Variants in JAK1 observed in about 807,000 individuals in gnomAD.
The protein encoded by JAK1 is tyrosine-protein kinase JAK1.
A neutral mutation model predicts 136.6 loss-of-function variants in JAK1; 16 were observed. That is an observed-to-expected ratio of 0.12 (90% CI 0.08 to 0.18). The LOEUF (loss-of-function observed/expected upper bound fraction) is 0.18, where lower values mean the gene tolerates loss of function less well. Ranked by LOEUF, JAK1 falls within the 10% of genes least tolerant of loss-of-function variation. JAK1 has a pLI of 1.00. For missense variants in JAK1, 859 were observed against 1,450.1 expected (o/e 0.59, Z 6.62); for synonymous variants, 492 against 519.5 (o/e 0.95, Z 0.72).
intron 1 of JAK1, among the ~76,000 whole-genome samples, chr1:64,959,666 A>T (rs1391614782): frequency 6.6e-6 from 1 of 152,236 alleles, no homozygotes; most frequent in African/African-American, 2.4e-5. Flanking sequence ...AAATTAAATA[A>T]AAGCACCTTT....
intron 1 of JAK1, among the ~76,000 whole-genome samples, chr1:65,062,916 C>CT (rs1647854169): frequency 6.6e-6 from 1 of 152,228 alleles, no homozygotes; most frequent in Non-Finnish European, 1.5e-5. Flanking sequence ...ATTCCAGTCT[C>CT]TGTCTATATG....
At chr1:64,884,562 T>C (rs1644824580) in intron 2 of JAK1, among the ~76,000 whole-genome samples, 1 of 152,214 alleles carries the variant, frequency 6.6e-6, no homozygotes, top group Non-Finnish European at 1.5e-5. Flanking sequence ...TCTATCACTC[T>C]GAGCTTCTTG....
chr1:65,001,488 C>G (rs983751122), intron 2 of JAK1, among the ~76,000 whole-genome samples: 1 of 152,154 alleles, frequency 6.6e-6, no homozygotes, highest in African/African-American at 2.4e-5. Flanking sequence ...GAGGAAGTCA[C>G]GTTCAGGCCC....
intron 1 of JAK1, among the ~76,000 whole-genome samples, chr1:64,947,115 A>G (rs1415427246): frequency 6.6e-6 from 1 of 152,212 alleles, no homozygotes; most frequent in Non-Finnish European, 1.5e-5. Context: ...TTGCAAGATG[A>G]AAAGAGTTCT....
chr1:64,935,290 A>G (rs1645768237), intron 1 of JAK1, among the ~76,000 whole-genome samples: 1 of 152,144 alleles, frequency 6.6e-6, no homozygotes, highest in Non-Finnish European at 1.5e-5. Flanking sequence ...GAGAAAGACC[A>G]GTCATAACTC....
intron 1 of JAK1, among the ~76,000 whole-genome samples, chr1:64,944,030 G>A (rs1024678747): frequency 1.6e-4 from 24 of 151,864 alleles, no homozygotes; most frequent in African/African-American, 5.3e-4. Flanking sequence ...AGACCATGCT[G>A]GCTAACACAG....
At chr1:64,946,426 C>A (rs969806606) in intron 1 of JAK1, among the ~76,000 whole-genome samples, 2 of 152,180 alleles carry the variant, frequency 1.3e-5, no homozygotes, top group Non-Finnish European at 2.9e-5. Flanking sequence ...GGTCTATGAT[C>A]GGACCTCATG....
chr1:64,882,000 C>T (rs901305991), intron 3 of JAK1, among the ~76,000 whole-genome samples: 3 of 152,192 alleles, frequency 2.0e-5, no homozygotes, highest in Non-Finnish European at 4.4e-5. Flanking sequence ...CTGATAATTA[C>T]AAACACACTT....
At chr1:64,899,700 C>G (rs190600236) in intron 1 of JAK1, among the ~76,000 whole-genome samples, 1 of 152,174 alleles carries the variant, frequency 6.6e-6, no homozygotes, top group Non-Finnish European at 1.5e-5. Context: ...TCCCAAAAAT[C>G]TGAAATCTGA....
At position 64,886,261 on chromosome 1, in the gene JAK1, G is replaced by T; in HGVS notation, c.4C>A (p.Gln2Lys). Residue 2 changes from glutamine (Q) to lysine (K), a missense_variant and splice_region_variant, in exon 2 of 25, where the codon CAG becomes AAG. By Grantham distance (53) the Gln-to-Lys change is moderately conservative (BLOSUM62 1). Around this residue, in one of 4 missense-constraint regions of JAK1, gnomAD observed 353 missense variants for 494.0 expected, o/e 0.71. Coordinates refer to ENST00000342505, the MANE Select transcript of JAK1 (RefSeq NM_002227.4). M[Q>K]YLNIKEDCNA... ...TAAAAATATGCAAATCTACATACCT[G>T]CATTTATTCAGCTGTCCAGTGTTCT... The T allele has an allele frequency of 6.3e-7, 1 of 1,585,686 alleles. No individual in the cohort carries two copies. The highest frequency in any genetic ancestry group is 1.1e-5 in the South Asian group (1 of 87,814).
chr1:64,880,199 C>G (rs1432565567), intron 3 of JAK1, among the ~76,000 whole-genome samples: 1 of 152,212 alleles, frequency 6.6e-6, no homozygotes, highest in African/African-American at 2.4e-5. Flanking sequence ...TGGCAGCTAT[C>G]TAGTGCTCTC....
rs115371205 is a variant in JAK1 at position 64,904,394 on chromosome 1, G to C, written c.-77-18053C>G. 3.1e-3 allele frequency among the ~76,000 whole-genome samples: 468 copies of C among 152,302 alleles called. 1 individual carries two copies. The highest frequency in any genetic ancestry group is 0.011 in the African/African-American group (439 of 41,566). ...ATGTACATATCCTTCTAAAAAGAGA[G>C]AGAAGGAAAATGAGGGTCCATAGTG... On this transcript the variant is annotated intron_variant, in intron 1 of 24. Transcript: ENST00000342505.
intron 1 of JAK1, among the ~76,000 whole-genome samples, chr1:65,046,764 G>A (rs1222377283): frequency 2.6e-5 from 4 of 151,690 alleles, no homozygotes; most frequent in Admixed American, 6.6e-5. Context: ...TGGTCAGGCT[G>A]GTGTCGAACT....
intron 1 of JAK1, 88 bp from the exon 2 acceptor site, chr1:64,886,429 A>G: frequency 1.5e-6 from 1 of 681,528 alleles, no homozygotes; most frequent in Non-Finnish European, 2.2e-6. Context: ...AGCAGCCCAA[A>G]CCATAAGCAG....
At chr1:64,935,660 G>A (rs904727786) in intron 1 of JAK1, among the ~76,000 whole-genome samples, 1 of 152,184 alleles carries the variant, frequency 6.6e-6, no homozygotes, top group African/African-American at 2.4e-5. Context: ...TACTCAGACT[G>A]AATGAGAAGT....
intron 2 of JAK1, chr1:64,979,888 G>A (rs1646528742): frequency 6.6e-6 from 1 of 152,216 alleles, no homozygotes; most frequent in Non-Finnish European, 1.5e-5. Flanking sequence ...AGGCAGGAAA[G>A]TGTCAGGCCT....
chr1:64,969,867 G>A (rs1465237453), upstream of JAK1, among the ~76,000 whole-genome samples: 8 of 152,156 alleles, frequency 5.3e-5, no homozygotes, highest in Non-Finnish European at 1.0e-4. Context: ...CAGGCGTGGT[G>A]GCTTAGACCT....
chr1:64,962,669 A>T (rs2100636459), intron 1 of JAK1, among the ~76,000 whole-genome samples: 1 of 152,374 alleles, frequency 6.6e-6, no homozygotes, highest in South Asian at 2.1e-4. Context: ...TTTCTGAGAC[A>T]GGAAGCAACA....
chr1:65,052,917 G>C (rs1376550361), intron 1 of JAK1, among the ~76,000 whole-genome samples: 10 of 149,032 alleles, frequency 6.7e-5, no homozygotes. Flanking sequence ...TGTAATCCCA[G>C]CTACTCAGGA....
Sources: gnomAD v4.1 joint callset for allele counts (sites outside exome capture counted in the v4.1 genomes callset) on GRCh38, gnomAD v4.1.1 for gene constraint, gnomAD v4.1.1 regional missense constraint, MANE v1.5 for transcripts, NCBI Gene and HGNC (gene_info 2026-07-23, HGNC 2026-07-21) for gene names.